GRM7: variants seen among roughly 807,000 people sequenced by gnomAD.
GRM7 encodes glutamate metabotropic receptor 7.
GRM7 carries 35 observed loss-of-function variants against 84.5 expected under a neutral mutation model. That is an observed-to-expected ratio of 0.41 (90% CI 0.32 to 0.55). The LOEUF (loss-of-function observed/expected upper bound fraction) is 0.55. Ranked by LOEUF, GRM7 falls within the 20% of genes least tolerant of loss-of-function variation. GRM7 has a pLI of 0.19. For missense variants in GRM7, 1,003 were observed against 1,194.6 expected, an observed-to-expected ratio of 0.84 and a Z score of 2.36; for synonymous variants, 487 against 455.1, an observed-to-expected ratio of 1.07 and a Z score of -0.89.
chr3:7,510,802 T>C (rs1046732999), intron 7 of GRM7, among the ~76,000 whole-genome samples: 3 of 152,178 alleles, frequency 2.0e-5, no homozygotes, highest in African/African-American at 7.2e-5. Context: ...CAAATTCCAG[T>C]GTCCATAAAT....
intron 9 of GRM7, among the ~76,000 whole-genome samples, chr3:7,684,258 A>AATTTAAG (rs1344167422): frequency 6.6e-6 from 1 of 152,238 alleles, no homozygotes. Flanking sequence ...ATTTAAGCTG[A>AATTTAAG]CTGGTTAAAA....
At chr3:7,590,487 A>T (rs1436665564) in intron 8 of GRM7, among the ~76,000 whole-genome samples, 1 of 152,210 alleles carries the variant, frequency 6.6e-6, no homozygotes, top group African/African-American at 2.4e-5. Flanking sequence ...AAAGCTAAAA[A>T]TATTTATAAA....
At chr3:7,483,675 G>C (rs1699216346) in intron 7 of GRM7, among the ~76,000 whole-genome samples, 1 of 152,270 alleles carries the variant, frequency 6.6e-6, no homozygotes, top group South Asian at 2.1e-4. Context: ...TTTGAGGATG[G>C]AGGTTGAGCT....
At chr3:7,590,271 CA>C (rs1486239676) in intron 8 of GRM7, among the ~76,000 whole-genome samples, 4 of 152,132 alleles carry the variant, frequency 2.6e-5, no homozygotes, top group Non-Finnish European at 4.4e-5. Flanking sequence ...ACAATTACGA[CA>C]GTATTCAGAC....
At chr3:7,511,988 A>G (rs1700226085) in intron 7 of GRM7, among the ~76,000 whole-genome samples, 1 of 152,074 alleles carries the variant, frequency 6.6e-6, no homozygotes, top group South Asian at 2.1e-4. Context: ...CAAAAATAAT[A>G]AAAAATATTA....
At chr3:6,957,055 C>T (rs554346404) in intron 1 of GRM7, among the ~76,000 whole-genome samples, 1 of 152,118 alleles carries the variant, frequency 6.6e-6, no homozygotes, top group Non-Finnish European at 1.5e-5. Flanking sequence ...ATAATTTTCC[C>T]ACTAGAATTT....
intron 9 of GRM7, chr3:7,693,825 C>T (rs1388253823): frequency 1.8e-6 from 1 of 546,130 alleles, no homozygotes; most frequent in Non-Finnish European, 3.3e-6. Flanking sequence ...CACATGCCAG[C>T]AACATCCTCT....
chr3:7,196,932 C>T (rs2125110153), intron 2 of GRM7, among the ~76,000 whole-genome samples: 1 of 152,220 alleles, frequency 6.6e-6, no homozygotes, highest in Non-Finnish European at 1.5e-5. Context: ...AAATGAAGCT[C>T]ATGATCATTG....
intron 2 of GRM7, among the ~76,000 whole-genome samples, chr3:7,248,818 A>G (rs1697871482): frequency 6.6e-6 from 1 of 152,138 alleles, no homozygotes; most frequent in African/African-American, 2.4e-5. Flanking sequence ...ACTAAATGAG[A>G]CAATCAGTGT....
intron 7 of GRM7, among the ~76,000 whole-genome samples, chr3:7,521,668 T>C (rs577684669): frequency 6.6e-6 from 1 of 152,274 alleles, no homozygotes; most frequent in South Asian, 2.1e-4. Flanking sequence ...CCACATGACA[T>C]ACTGGAGATG....
intron 1 of GRM7, among the ~76,000 whole-genome samples, chr3:7,018,956 G>A (rs990498283): frequency 6.6e-6 from 1 of 152,148 alleles, no homozygotes; most frequent in Non-Finnish European, 1.5e-5. Context: ...AATTAGCCAG[G>A]CGTCATGGCG....
At chr3:7,147,651 C>T (rs548058240) in intron 2 of GRM7, among the ~76,000 whole-genome samples, 32 of 152,174 alleles carry the variant, frequency 2.1e-4, no homozygotes, top group African/African-American at 7.2e-4. Flanking sequence ...AAAGCGCTTC[C>T]GGATACGGAT....
At chr3:7,181,165 T>G (rs957907811) in intron 2 of GRM7, among the ~76,000 whole-genome samples, 5 of 152,202 alleles carry the variant, frequency 3.3e-5, no homozygotes, top group African/African-American at 1.2e-4. Context: ...ATGTTACAAT[T>G]AAGCTCTTAA....
At chr3:7,064,479 T>TATATATATATACACAC in intron 1 of GRM7, among the ~76,000 whole-genome samples, 96 of 99,376 alleles carry the variant, frequency 9.7e-4, no homozygotes, top group African/African-American at 3.4e-3. Flanking sequence ...TATATATATA[T>TATATATATATACACAC]ACACACATAT....
chr3:7,331,297 A>C (rs1701199229), intron 4 of GRM7, among the ~76,000 whole-genome samples: 1 of 152,196 alleles, frequency 6.6e-6, no homozygotes. Context: ...TGAAAGGGTG[A>C]TCAAAAGAGT....
chr3:7,115,205 A>T (rs1485337674), intron 1 of GRM7, among the ~76,000 whole-genome samples: 5 of 152,158 alleles, frequency 3.3e-5, no homozygotes, highest in Non-Finnish European at 7.4e-5. Flanking sequence ...AGAGCACATG[A>T]TCTGAACCAT....
chr3:6,978,867 T>C (rs996631819), intron 1 of GRM7, among the ~76,000 whole-genome samples: 28 of 152,274 alleles, frequency 1.8e-4, no homozygotes, highest in African/African-American at 6.5e-4. Context: ...AGAATAATCA[T>C]TCATCCTTGA....
At chr3:7,617,276 G>A (rs1697134543) in intron 8 of GRM7, among the ~76,000 whole-genome samples, 1 of 152,128 alleles carries the variant, frequency 6.6e-6, no homozygotes, top group African/African-American at 2.4e-5. Context: ...ATGCATATGA[G>A]AAAGTTTGGT....
At chr3:7,729,146 C>G (rs1406678772) in intron 9 of GRM7, among the ~76,000 whole-genome samples, 1 of 151,526 alleles carries the variant, frequency 6.6e-6, no homozygotes, top group African/African-American at 2.4e-5. Context: ...CACCCACACG[C>G]TGAAATTGAT....
Sources: allele counts gnomAD v4.1 joint callset (sites outside exome capture counted in the v4.1 genomes callset), GRCh38; gene constraint gnomAD v4.1.1; transcripts MANE v1.5; gene names NCBI Gene and HGNC (gene_info 2026-07-23, HGNC 2026-07-21).